The following NOXA1 variants were observed in gnomAD, a reference collection of about 807,000 sequenced individuals.
NOXA1 encodes NCF2-like protein.
A neutral mutation model predicts 64.8 loss-of-function variants in NOXA1; 56 were observed. The ratio of observed to expected loss-of-function variants is 0.86; its 90% CI spans 0.70 to 1.08. The LOEUF is 1.08. NOXA1 is among the 50% of genes least tolerant of loss of function. NOXA1 has a pLI of 0.00. For synonymous variants in NOXA1, 295 were observed against 294.8 expected (o/e 1.00, Z -0.01); for missense variants, 668 against 658.5 (o/e 1.01, Z -0.16).
intron 2 of NOXA1, among the ~76,000 whole-genome samples, chr9:137,427,534 G>A (rs1030097139): frequency 2.6e-5 from 4 of 152,234 alleles, no homozygotes; most frequent in African/African-American, 9.6e-5. Flanking sequence ...TATGGCTGTG[G>A]GACTGTCCCT....
chr9:137,423,800 C>G (rs970050637), intron 1 of NOXA1, 94 bp downstream of exon 1: 1 of 1,020,328 alleles, frequency 9.8e-7, no homozygotes, highest in Admixed American at 4.5e-5. Flanking sequence ...CACGGGGTCG[C>G]CCTGCCGCCC....
Position 137,428,104 on chromosome 9 carries a change from C to A in NOXA1, c.332C>A (p.Thr111Lys). The A allele has an allele frequency of 6.3e-7, 1 of 1,581,274 alleles. No homozygotes were observed. Among genetic ancestry groups the A allele is most frequent in the Admixed American group, 1.8e-5 (1 of 55,184 alleles). ...QLRGHAAIDY[T>K]QLGLRFKLQA... is the part of the protein sequence containing the mutation. Reference sequence around the variant, plus strand: ...AGGGGCCACGCTGCCATCGACTACACGCAGCTGGGCCTGCGGTTCAAGCTG... The same window carrying A: ...AGGGGCCACGCTGCCATCGACTACAAGCAGCTGGGCCTGCGGTTCAAGCTG... Residue 111 changes from threonine to lysine, a missense_variant, in exon 3 of 14, where the codon ACG becomes AAG. Transcript: ENST00000683555.
Position 137,431,041 on chromosome 9 carries a change from T to C in NOXA1, c.673-34T>C. The C allele has an allele frequency of 6.2e-7, 1 of 1,613,170 alleles. No individual in the cohort carries two copies. The highest frequency in any genetic ancestry group is 8.5e-7 in the Non-Finnish European group (1 of 1,179,972). ...AGGAGGGAGGGCGGCCCCCGACCCT[T>C]AACCAGAGCGAGGTTGTTGCTTTGT... is the stretch of plus-strand genomic sequence containing the variant. On this transcript the variant is annotated intron_variant, in intron 6 of 13. Coordinates refer to ENST00000683555, the MANE Select transcript of NOXA1 (RefSeq NM_001256067.2). This position sits in a 1 kb window ranked among gnomAD's most constrained non-coding sequence, Gnocchi z 5.6.
rs191459555 is a variant in NOXA1 at position 137,431,830 on chromosome 9, G to C, written c.804+489G>C. 0.011 allele frequency among the ~76,000 whole-genome samples: 1,685 copies of C among 152,302 alleles called. 21 individuals carry two copies. The highest frequency in any genetic ancestry group is 0.038 in the African/African-American group (1,585 of 41,546). ...AAGGCAGGAACCCCAGCTGCTCCCA[G>C]GGTGGCAGCCGTGGGCGGAGGCTCT... On this transcript the variant is annotated intron_variant, in intron 8 of 13. Coordinates refer to ENST00000683555, the MANE Select transcript of NOXA1 (RefSeq NM_001256067.2). This position sits in a 1 kb window ranked among gnomAD's most constrained non-coding sequence, Gnocchi z 5.6.
At position 137,434,236 on chromosome 9, in the gene NOXA1, G is replaced by T; in HGVS notation, c.1307G>T (p.Trp436Leu). 1 of 1,610,232 alleles carries T rather than the reference G, an allele frequency of 6.2e-7. No individual in the cohort carries two copies. Among genetic ancestry groups the T allele is most frequent in the Non-Finnish European group, 8.5e-7 (1 of 1,179,338 alleles). Residue 436 changes from tryptophan (W) to leucine (L), a missense_variant, in exon 14 of 14, where the codon TGG becomes TTG. By Grantham distance (61) the Trp-to-Leu change is moderately conservative. Coordinates refer to ENST00000683555, the MANE Select transcript of NOXA1 (RefSeq NM_001256067.2). ...GTCCCCCTTGCAGTGGACCAGGCAT[G>T]GCTGGAGGGCCACTGTGACGGCCGC... ...VDVLCEVDQA[W>L]LEGHCDGRIG... is the part of the protein sequence containing the mutation.
chr9:137,425,129 T>A (rs1194498483), intron 1 of NOXA1, among the ~76,000 whole-genome samples: 1 of 152,312 alleles, frequency 6.6e-6, no homozygotes, highest in South Asian at 2.1e-4. Context: ...CCGCCACACT[T>A]CACACCTGTG....
In NOXA1 at chr9:137,429,329, C is replaced by T. The variant is rs567580497; in HGVS notation, c.558C>T (p.Pro186=). Residue 186 remains proline (P), a synonymous_variant, in exon 5 of 14, where the codon CCC becomes CCT. Transcript: ENST00000683555. ...RQVPRGEVFR[P]HRWHLKHLEP... ...TCCCCAGGGGCGAGGTCTTCCGGCC[C>T]CACCGGTGGCACCTGAAGCACTTGG... is the stretch of plus-strand genomic sequence containing the variant. 32 of 1,583,350 alleles carry T rather than the reference C, an allele frequency of 2.0e-5. No individual in the cohort carries two copies. In the African/African-American group the frequency reaches 4.0e-4, roughly 20 times the overall value.
intron 1 of NOXA1, among the ~76,000 whole-genome samples, chr9:137,423,926 ACT>A (rs1338576149): frequency 6.6e-6 from 1 of 151,678 alleles, no homozygotes; most frequent in Non-Finnish European, 1.5e-5. Flanking sequence ...CCCGAGGGTG[ACT>A]CACACCGGGA....
At chr9:137,427,983 A>G (rs1397724334) in intron 2 of NOXA1, 50 bp from the exon 3 acceptor site, 19 of 1,319,538 alleles carry the variant, frequency 1.4e-5, no homozygotes. Context: ...CTGCCTAACC[A>G]CAGCCCCATC....
Position 137,431,465 on chromosome 9 carries a change from C to A in NOXA1, c.804+124C>A. The A allele has an allele frequency of 1.3e-6, 1 of 790,708 alleles. No homozygotes were observed. The highest frequency in any genetic ancestry group is 2.0e-6 in the Non-Finnish European group (1 of 488,200). 49.0% of individuals were successfully genotyped at this position (790,708 alleles called of 1,614,324 possible). Reference sequence around the variant, plus strand: ...CAGCTCGCTGGGGGGTAGACGGGGCCGGGCTCACCCGTGGTCCTGGCCCAG... The same window carrying A: ...CAGCTCGCTGGGGGGTAGACGGGGCAGGGCTCACCCGTGGTCCTGGCCCAG... On this transcript the variant is annotated intron_variant, in intron 8 of 13. Coordinates refer to ENST00000683555, the MANE Select transcript of NOXA1 (RefSeq NM_001256067.2). The surrounding 1 kb of genome is among the most constrained non-coding windows in gnomAD (Gnocchi z 5.6).
chr9:137,434,092 T>G lies in NOXA1; in HGVS notation c.1294+13T>G. Reference sequence around the variant, plus strand: ...GTCCTGTGTGAAGGTAGGGTGGGCATGGCCCTTCCCAGGCAGCACCGTGGT... The same window carrying G: ...GTCCTGTGTGAAGGTAGGGTGGGCAGGGCCCTTCCCAGGCAGCACCGTGGT... On this transcript the variant is annotated intron_variant, in intron 13 of 13. Transcript: ENST00000683555. The G allele has an allele frequency of 6.3e-7, 1 of 1,584,306 alleles. No individual in the cohort carries two copies.
At chr9:137,426,433 T>G in intron 2 of NOXA1, 103 bp downstream of exon 2, 1 of 973,160 alleles carries the variant, frequency 1.0e-6, no homozygotes, top group African/African-American at 1.6e-5. Context: ...CTCCCTCCTC[T>G]TGCCCACCCC....
chr9:137,430,044 C>G (rs1317133063), intron 5 of NOXA1, among the ~76,000 whole-genome samples: 1 of 98,638 alleles, frequency 1.0e-5, no homozygotes, highest in Non-Finnish European at 2.0e-5. Context: ...TCTGCCACAG[C>G]TAGCGAGGTC....
intron 8 of NOXA1, among the ~76,000 whole-genome samples, chr9:137,432,190 G>T (rs186195752): frequency 6.6e-6 from 1 of 150,716 alleles, no homozygotes; most frequent in Non-Finnish European, 1.5e-5. Flanking sequence ...TGAGGTGGAA[G>T]GATTGCTTGA....
intron 5 of NOXA1, among the ~76,000 whole-genome samples, chr9:137,429,723 C>T (rs1202850852): frequency 6.6e-6 from 1 of 152,110 alleles, no homozygotes; most frequent in East Asian, 1.9e-4. Flanking sequence ...TGCGTCCTTT[C>T]ATGCCTTTGT....
At chr9:137,427,985 A>G in intron 2 of NOXA1, 48 bp from the exon 3 acceptor site, 1 of 1,331,852 alleles carries the variant, frequency 7.5e-7, no homozygotes, top group Non-Finnish European at 1.0e-6. Flanking sequence ...GCCTAACCAC[A>G]GCCCCATCTC....
intron 1 of NOXA1, among the ~76,000 whole-genome samples, chr9:137,424,630 G>T (rs899180336): frequency 6.6e-6 from 1 of 152,100 alleles, no homozygotes; most frequent in Non-Finnish European, 1.5e-5. Context: ...GTAGAAACGG[G>T]TTTCACCATG....
chr9:137,433,506 C>T lies in NOXA1; in HGVS notation c.963C>T (p.Ala321=). The change falls in exon 11 of 14, where the codon GCC becomes GCT. Residue 321 remains alanine, a synonymous_variant. Coordinates refer to ENST00000683555, the MANE Select transcript of NOXA1 (RefSeq NM_001256067.2). The part of the protein sequence containing the change: ...EPLVTVTVQC[A]FTVALRARRG... ...TGGTGACTGTCACCGTGCAGTGCGC[C>T]TTCACAGTGGCCCTGAGGGCACGAA... is the stretch of plus-strand genomic sequence containing the variant. 6.2e-7 allele frequency: 1 copy of T among 1,603,628 alleles called. No individual in the cohort carries two copies. Among genetic ancestry groups the T allele is most frequent in the Non-Finnish European group, 8.5e-7 (1 of 1,178,518 alleles).
Position 137,433,558 on chromosome 9 carries a change from G to C in NOXA1, c.1015G>C (p.Ala339Pro), listed in dbSNP as rs1839216471. The stretch of plus-strand genomic sequence containing the variant: ...AGGAGCCGACCTGTCCAGCCTGCGG[G>C]CACTGCTGGGCCAAGCCCTCCCTCA... ...RRGADLSSLR[A>P]LLGQALPHQA... Residue 339 changes from alanine to proline, a missense_variant, in exon 11 of 14, where the codon GCA becomes CCA. Physicochemically the swap from Ala to Pro is conservative, Grantham distance 27. Coordinates refer to ENST00000683555, the MANE Select transcript of NOXA1 (RefSeq NM_001256067.2). The C allele has an allele frequency of 1.9e-6, 3 of 1,569,810 alleles. No homozygotes were observed. Among genetic ancestry groups the C allele is most frequent in the African/African-American group, 2.7e-5 (2 of 74,370 alleles).
Sources: gnomAD v4.1 joint callset for allele counts (sites outside exome capture counted in the v4.1 genomes callset) on GRCh38, gnomAD v4.1.1 for gene constraint, Gnocchi (gnomAD v3.1) non-coding constraint, MANE v1.5 for transcripts, NCBI Gene and HGNC (gene_info 2026-07-23, HGNC 2026-07-21) for gene names.